The following HLA-DRB5 variants were observed in gnomAD, a reference collection of about 807,000 sequenced individuals.
The protein encoded by HLA-DRB5 is major histocompatibility complex, class II, DR beta 5.
HLA-DRB5 carries 11 observed loss-of-function variants against 22.4 expected under a neutral mutation model. The ratio of observed to expected loss-of-function variants is 0.49; its 90% CI spans 0.31 to 0.81. The LOEUF (loss-of-function observed/expected upper bound fraction) is 0.81. HLA-DRB5 is among the 40% of genes least tolerant of loss of function. The pLI, the probability that HLA-DRB5 is intolerant of heterozygous loss-of-function variation, is 0.05. For missense variants in HLA-DRB5, 106 were observed against 274.4 expected, an observed-to-expected ratio of 0.39 and a Z score of 4.34; for synonymous variants, 57 against 106.0, an observed-to-expected ratio of 0.54 and a Z score of 2.84.
In HLA-DRB5 at chr6:32,519,518, C is replaced by T. The variant is rs1768554539; in HGVS notation, c.504G>A (p.Lys168=). The T allele has an allele frequency of 6.6e-7, 1 of 1,518,392 alleles. No individual in the cohort carries two copies. 94.1% of individuals were successfully genotyped at this position (1,518,392 alleles called of 1,614,324 possible). A position where few individuals can be genotyped will look rare whatever the true frequency, so the allele number is the denominator to read the frequency against. The change falls in exon 3 of 6, where the codon AAG becomes AAA. Residue 168 remains lysine, a synonymous_variant. Transcript: ENST00000374975. ...TCAGGCCTGTGGACACCACCCCAGC[C>T]TTCTCTTCCTGGCTGTTCCGGAACC... ...VRWFRNSQEE[K]AGVVSTGLIQ...
Position 32,528,223 on chromosome 6 carries a change from TC to T in HLA-DRB5, c.100+1901del, listed in dbSNP as rs1386904391. Among the ~76,000 whole-genome samples the T allele has an allele frequency of 2.4e-3, 225 of 92,418 alleles. 13 individuals are homozygous for T. In the East Asian group the frequency reaches 0.062, roughly 25 times the overall value. The allele number at this position is 92,418 out of a possible 152,430, so 60.6% of individuals were successfully genotyped here. A position where few individuals can be genotyped will look rare whatever the true frequency, so the allele number is the denominator to read the frequency against. On this transcript the variant is annotated intron_variant, in intron 1 of 5. Transcript: ENST00000374975. ...ACTAAAGTAGGTGAATCCATTTCTC[TC>T]TTTTCCACAAACCTGATGTCTTTTC...
intron 1 of HLA-DRB5, among the ~76,000 whole-genome samples, chr6:32,525,521 G>T (rs111911331): frequency 0.8 from 83,975 of 104,468 alleles, 35,852 homozygotes; most frequent in Middle Eastern, 0.86. Context: ...TCTGAAAACA[G>T]AGGGCAGAAA....
intron 1 of HLA-DRB5, among the ~76,000 whole-genome samples, chr6:32,528,206 A>ATTG (rs1395010961): frequency 0.11 from 5,032 of 44,018 alleles, 74 homozygotes; most frequent in Middle Eastern, 0.18. Flanking sequence ...GAACTAAAGT[A>ATTG]GGTGAATCCA....
At chr6:32,524,642 G>A (rs796615310) in intron 1 of HLA-DRB5, among the ~76,000 whole-genome samples, 9 of 133,140 alleles carry the variant, frequency 6.8e-5, no homozygotes, top group Non-Finnish European at 1.1e-4. Context: ...ATGGCAGAGA[G>A]GTGTGCACCC....
intron 1 of HLA-DRB5, among the ~76,000 whole-genome samples, chr6:32,523,073 TGTG>T (rs1769147763): frequency 9.5e-4 from 94 of 98,944 alleles, no homozygotes; most frequent in Admixed American, 1.3e-3. Flanking sequence ...TGAAAAGCGT[TGTG>T]GGTGGTGTTA....
chr6:32,530,033 A>G (rs867811482), intron 1 of HLA-DRB5, 92 bp downstream of exon 1: 1 of 582,206 alleles, frequency 1.7e-6, no homozygotes, highest in Non-Finnish European at 3.0e-6. Context: ...AAATGTCACA[A>G]TTTCTTAAGG....
At chr6:32,520,171 C>T (rs371649624) in intron 2 of HLA-DRB5, among the ~76,000 whole-genome samples, 27 of 57,752 alleles carry the variant, frequency 4.7e-4, no homozygotes, top group South Asian at 8.6e-4. Context: ...CACTCCATTC[C>T]ACTGTGAGAG....
intron 1 of HLA-DRB5, among the ~76,000 whole-genome samples, chr6:32,523,741 C>T (rs75887920): frequency 9.9e-6 from 1 of 101,086 alleles, no homozygotes; most frequent in Non-Finnish European, 2.1e-5. Context: ...CAACTGTCTA[C>T]TTTTGCATAA....
chr6:32,525,056 C>T (rs1769440066), intron 1 of HLA-DRB5, among the ~76,000 whole-genome samples: 1 of 63,710 alleles, frequency 1.6e-5, no homozygotes, highest in Non-Finnish European at 3.2e-5. Context: ...TTCTTTTATA[C>T]ATTGGAACTA....
intron 1 of HLA-DRB5, among the ~76,000 whole-genome samples, chr6:32,522,910 G>T (rs1480167700): frequency 2.6e-3 from 68 of 25,906 alleles, no homozygotes; most frequent in South Asian, 4.4e-3. Flanking sequence ...GGGCAAAACG[G>T]GGGAAGCACA....
At chr6:32,523,621 C>T (rs1260668508) in intron 1 of HLA-DRB5, among the ~76,000 whole-genome samples, 43 of 82,112 alleles carry the variant, frequency 5.2e-4, no homozygotes, top group African/African-American at 1.7e-3. Flanking sequence ...TAGTGCTGAC[C>T]AACAACTCAT....
intron 3 of HLA-DRB5, among the ~76,000 whole-genome samples, chr6:32,519,014 C>G (rs113339870): frequency 0.022 from 2,230 of 101,394 alleles, 4 homozygotes; most frequent in East Asian, 0.03. Flanking sequence ...GGCCCCTACA[C>G]TTCTCCTCTT....
At chr6:32,524,815 A>G (rs73726200) in intron 1 of HLA-DRB5, among the ~76,000 whole-genome samples, 27,100 of 53,712 alleles carry the variant, frequency 0.5, 10,795 homozygotes, top group Non-Finnish European at 0.54. Context: ...GACAGATTTG[A>G]CAAATAAAAC....
intron 1 of HLA-DRB5, among the ~76,000 whole-genome samples, chr6:32,524,632 A>T (rs112853721): frequency 3.5e-3 from 374 of 106,994 alleles, no homozygotes; most frequent in East Asian, 0.025. Flanking sequence ...TTTAGAAATG[A>T]TGGCAGAGAG....
At position 32,522,096 on chromosome 6, in the gene HLA-DRB5, A is replaced by AAGAGTC; in HGVS notation, c.178_179insGACTCT (p.Ile60delinsArgLeuPhe). The stretch of plus-strand genomic sequence containing the variant: ...GCGCAAGTCCTCCTCTTGGTTATAG[A>AAGAGTC]TGTCTCTGTGCAGGAACCGCACCCG... On this transcript the variant is annotated protein_altering_variant, in exon 2 of 6. Coordinates refer to ENST00000374975, the MANE Select transcript of HLA-DRB5 (RefSeq NM_002125.4). 39 of 1,211,832 alleles carry AAGAGTC rather than the reference A, an allele frequency of 3.2e-5. No homozygotes were observed. The highest frequency in any genetic ancestry group is 4.2e-5 in the Non-Finnish European group (36 of 861,342). 75.1% of individuals were successfully genotyped at this position (1,211,832 alleles called of 1,614,324 possible).
At chr6:32,529,427 T>TC (rs1770062665) in intron 1 of HLA-DRB5, among the ~76,000 whole-genome samples, 9 of 25,210 alleles carry the variant, frequency 3.6e-4, no homozygotes, top group Admixed American at 5.5e-4. Context: ...GGCCAGGTTT[T>TC]TAGAGGATGC....
chr6:32,528,228 T>C (rs1275140341), intron 1 of HLA-DRB5, among the ~76,000 whole-genome samples: 25,404 of 99,172 alleles, frequency 0.26, 1,013 homozygotes, highest in Admixed American at 0.31. Context: ...TTCTCTCTTT[T>C]CCACAAACCT....
intron 1 of HLA-DRB5, among the ~76,000 whole-genome samples, chr6:32,529,185 A>G (rs114885799): frequency 0.071 from 7,784 of 110,202 alleles, no homozygotes; most frequent in Middle Eastern, 0.13. Flanking sequence ...TTTCAGCCCT[A>G]TGAGATGTGA....
intron 1 of HLA-DRB5, among the ~76,000 whole-genome samples, chr6:32,524,524 C>G (rs115918114): frequency 0.3 from 19,421 of 65,164 alleles, 1,406 homozygotes; most frequent in Middle Eastern, 0.34. Flanking sequence ...CTCAGAAAGT[C>G]AGAAACCAAG....
Sources: allele counts gnomAD v4.1 joint callset (sites outside exome capture counted in the v4.1 genomes callset), GRCh38; gene constraint gnomAD v4.1.1; transcripts MANE v1.5; gene names NCBI Gene and HGNC (gene_info 2026-07-23, HGNC 2026-07-21).